Variants in ABTB3 observed in about 807,000 individuals in gnomAD.
ABTB3 encodes the protein ankyrin repeat and BTB domain containing 3, also known as ankyrin repeat- and BTB/POZ domain-containing protein 3.
the ABTB3 span, among the ~76,000 whole-genome samples, chr12:107,476,004 G>T: frequency 6.6e-6 from 1 of 152,202 alleles, no homozygotes; most frequent in Non-Finnish European, 1.5e-5. Context: ...TAGGATTAAA[G>T]CCGTGGATCA....
the ABTB3 span, among the ~76,000 whole-genome samples, chr12:107,331,238 C>G: frequency 6.6e-6 from 1 of 152,200 alleles, no homozygotes; most frequent in Non-Finnish European, 1.5e-5. Context: ...CCCCTTTCAG[C>G]CTTCTCTATA....
At chr12:107,640,623 G>A in the ABTB3 span, among the ~76,000 whole-genome samples, 2 of 152,204 alleles carry the variant, frequency 1.3e-5, no homozygotes, top group African/African-American at 2.4e-5. Context: ...CAGGGGGGCC[G>A]AGCTTTGGGA....
chr12:107,601,338 T>C, the ABTB3 span, among the ~76,000 whole-genome samples: 1 of 152,208 alleles, frequency 6.6e-6, no homozygotes, highest in East Asian at 1.9e-4. Flanking sequence ...TCCTTGCTGG[T>C]AGAATTGCAT....
the ABTB3 span, among the ~76,000 whole-genome samples, chr12:107,570,284 G>A: frequency 2.6e-5 from 4 of 152,048 alleles, no homozygotes; most frequent in African/African-American, 4.8e-5. Context: ...GTGCAATCTC[G>A]GCTTACTGCA....
At chr12:107,341,414 G>A in the ABTB3 span, among the ~76,000 whole-genome samples, 1 of 152,136 alleles carries the variant, frequency 6.6e-6, no homozygotes, top group Non-Finnish European at 1.5e-5. Context: ...TGTAGACATT[G>A]ACCAAGTCAG....
At chr12:107,548,903 G>A in the ABTB3 span, among the ~76,000 whole-genome samples, 1 of 152,140 alleles carries the variant, frequency 6.6e-6, no homozygotes, top group Admixed American at 6.6e-5. Flanking sequence ...GAAAAAAATA[G>A]TAGGATAAAT....
chr12:107,376,507 G>A, the ABTB3 span, among the ~76,000 whole-genome samples: 1 of 152,032 alleles, frequency 6.6e-6, no homozygotes, highest in Non-Finnish European at 1.5e-5. Context: ...TGTTGTGTCT[G>A]GCTGCAGTTC....
At chr12:107,558,142 G>T in the ABTB3 span, among the ~76,000 whole-genome samples, 1 of 152,230 alleles carries the variant, frequency 6.6e-6, no homozygotes, top group African/African-American at 2.4e-5. Context: ...AGCTGTCAAA[G>T]GTTCCAGGTA....
At chr12:107,441,595 G>T in the ABTB3 span, among the ~76,000 whole-genome samples, 1 of 151,900 alleles carries the variant, frequency 6.6e-6, no homozygotes, top group African/African-American at 2.4e-5. Flanking sequence ...TGCACATTCT[G>T]CATATGTACC....
chr12:107,319,001 G>A, the ABTB3 span: 1 of 1,613,726 alleles, frequency 6.2e-7, no homozygotes, highest in Non-Finnish European at 8.5e-7. Context: ...GCTGGACTCG[G>A]GTTATGGTGG....
chr12:107,620,943 T>G, the ABTB3 span, among the ~76,000 whole-genome samples: 1 of 152,268 alleles, frequency 6.6e-6, no homozygotes, highest in East Asian at 1.9e-4. Flanking sequence ...TTTGTGGAAC[T>G]CTGGGGTCTA....
At chr12:107,599,983 G>A in the ABTB3 span, among the ~76,000 whole-genome samples, 1 of 152,152 alleles carries the variant, frequency 6.6e-6, no homozygotes, top group Non-Finnish European at 1.5e-5. Flanking sequence ...TGGAGTATGG[G>A]CATTCACCCA....
the ABTB3 span, among the ~76,000 whole-genome samples, chr12:107,512,563 C>G: frequency 6.6e-6 from 1 of 152,186 alleles, no homozygotes; most frequent in African/African-American, 2.4e-5. Context: ...TCCAGAAGGG[C>G]AGGGATCCAG....
the ABTB3 span, among the ~76,000 whole-genome samples, chr12:107,492,097 G>A: frequency 1.3e-5 from 2 of 152,108 alleles, no homozygotes; most frequent in Non-Finnish European, 2.9e-5. Flanking sequence ...TCGTGGGAGA[G>A]GGAGATGAAG....
chr12:107,417,619 C>T, the ABTB3 span, among the ~76,000 whole-genome samples: 264 of 152,334 alleles, frequency 1.7e-3, 2 homozygotes, highest in Non-Finnish European at 5.9e-4. Context: ...AATGGAGATG[C>T]CCGTACTATG....
chr12:107,564,090 C>CTG, the ABTB3 span, among the ~76,000 whole-genome samples: 20,476 of 125,716 alleles, frequency 0.16, 1,502 homozygotes, highest in South Asian at 0.23. Flanking sequence ...ATCTATCTCT[C>CTG]TGTGTGTGTG....
the ABTB3 span, among the ~76,000 whole-genome samples, chr12:107,483,207 T>G: frequency 1.3e-5 from 2 of 151,972 alleles, no homozygotes; most frequent in Non-Finnish European, 2.9e-5. Context: ...TTGAAGGGAA[T>G]GCTGGGAGGA....
At chr12:107,544,147 C>A in the ABTB3 span, 20 of 1,612,716 alleles carry the variant, frequency 1.2e-5, no homozygotes, top group Non-Finnish European at 1.7e-5. Flanking sequence ...AAGGTAAGAA[C>A]TGCCTTGCCT....
chr12:107,586,103 G>A, the ABTB3 span, among the ~76,000 whole-genome samples: 1 of 152,128 alleles, frequency 6.6e-6, no homozygotes. Flanking sequence ...TGAGGAGGGA[G>A]GGACAAGTCC....
Sources: gnomAD v4.1 joint callset for allele counts (sites outside exome capture counted in the v4.1 genomes callset) on GRCh38, gnomAD v4.1.1 for gene constraint, MANE v1.5 for transcripts, NCBI Gene and HGNC (gene_info 2026-07-23, HGNC 2026-07-21) for gene names.